NKAIN1: variants seen among roughly 807,000 people sequenced by gnomAD.
The protein encoded by NKAIN1 is sodium/potassium transporting ATPase interacting 1.
In NKAIN1, 13 loss-of-function variants were observed where a neutral mutation model predicts 31.6. The observed-to-expected ratio is 0.41, with a 90% confidence interval of 0.27 to 0.65. The LOEUF is 0.65. Among genes scored for constraint, NKAIN1 ranks in the 30% least tolerant of loss-of-function variants. The pLI is 0.30. For missense variants in NKAIN1, 193 were observed against 262.2 expected (o/e 0.74, Z 1.82); for synonymous variants, 104 against 109.0 (o/e 0.95, Z 0.28).
At chr1:31,196,309 C>T (rs937823216) in intron 1 of NKAIN1, among the ~76,000 whole-genome samples, 2 of 151,858 alleles carry the variant, frequency 1.3e-5, no homozygotes, top group African/African-American at 4.8e-5. Context: ...GTCAGGAGAT[C>T]GAGACCATCC....
rs2124159064 is a variant in NKAIN1 at position 31,181,279 on chromosome 1, A to G, written c.*424T>C. On this transcript the variant is annotated 3_prime_UTR_variant, in exon 7 of 7. Coordinates refer to ENST00000373736, the MANE Select transcript of NKAIN1 (RefSeq NM_024522.3). ...AGGAATCCTGCTCCTAGTTCACAGT[A>G]GCTTTCCCCAGAGCTGGTGAGTGAG... The G allele has an allele frequency of 5.6e-6, 1 of 178,912 alleles. No individual in the cohort carries two copies. The highest frequency in any genetic ancestry group is 1.2e-5 in the Non-Finnish European group (1 of 86,054). 11.1% of individuals were successfully genotyped at this position (178,912 alleles called of 1,614,324 possible).
At chr1:31,218,112 G>C (rs548084408) in intron 1 of NKAIN1, among the ~76,000 whole-genome samples, 2 of 143,114 alleles carry the variant, frequency 1.4e-5, no homozygotes, top group Non-Finnish European at 3.0e-5. Context: ...ACCCAAGCTG[G>C]AGTGCAGTGG....
At chr1:31,217,298 A>C (rs760545762) in intron 1 of NKAIN1, among the ~76,000 whole-genome samples, 29 of 152,072 alleles carry the variant, frequency 1.9e-4, no homozygotes, top group Non-Finnish European at 3.2e-4. Context: ...CCATGTAGCT[A>C]GGGCTACAAG....
rs117705422 is a variant in NKAIN1 at position 31,231,169 on chromosome 1, C to T, written c.54+8325G>A. 5.9e-5 allele frequency among the ~76,000 whole-genome samples: 9 copies of T among 152,064 alleles called. No homozygotes were observed. In the East Asian group the frequency reaches 1.5e-3, roughly 26 times the overall value. On this transcript the variant is annotated intron_variant, in intron 1 of 6. Coordinates refer to ENST00000373736, the MANE Select transcript of NKAIN1 (RefSeq NM_024522.3). ...AGAGTGCTGGGATTACAGGTGTAAG[C>T]CACTGCACCATCCAGTTATTTTTAA... is the stretch of plus-strand genomic sequence containing the variant.
Position 31,233,468 on chromosome 1 carries a change from T to C in NKAIN1, c.54+6026A>G, listed in dbSNP as rs879135448. Among the ~76,000 whole-genome samples the C allele has an allele frequency of 3.3e-5, 5 of 152,204 alleles. No homozygotes were observed. Among genetic ancestry groups the C allele is most frequent in the Admixed American group, 6.5e-5 (1 of 15,284 alleles). On this transcript the variant is annotated intron_variant, in intron 1 of 6. Coordinates refer to ENST00000373736, the MANE Select transcript of NKAIN1 (RefSeq NM_024522.3). The surrounding 1 kb of genome is among the most constrained non-coding windows in gnomAD (Gnocchi z 4.0). ...AAGCTGTGGAGTCCCAGATCTGAGTTTGAATACTCATTCTGCACCTATCAT... is the reference window on the plus strand; with the variant it reads ...AAGCTGTGGAGTCCCAGATCTGAGTCTGAATACTCATTCTGCACCTATCAT...
At chr1:31,209,760 T>C (rs1290287404) in intron 1 of NKAIN1, among the ~76,000 whole-genome samples, 3 of 151,980 alleles carry the variant, frequency 2.0e-5, no homozygotes, top group Non-Finnish European at 4.4e-5. Context: ...AAGGTTGCAG[T>C]GAGCTGTGAT....
At chr1:31,211,580 C>T (rs185067911) in intron 1 of NKAIN1, among the ~76,000 whole-genome samples, 1 of 148,310 alleles carries the variant, frequency 6.7e-6, no homozygotes, top group East Asian at 2.0e-4. Context: ...AGATTCAATG[C>T]ACTCTATCAA....
intron 1 of NKAIN1, among the ~76,000 whole-genome samples, chr1:31,231,537 GTTGTTGTTT>G (rs1248479977): frequency 1.3e-5 from 2 of 151,728 alleles, no homozygotes; most frequent in African/African-American, 4.8e-5. Flanking sequence ...TGTTGTTGTT[GTTGTTGTTT>G]TTGAGACGGA....
intron 1 of NKAIN1, among the ~76,000 whole-genome samples, chr1:31,194,541 G>C (rs1290425201): frequency 1.3e-5 from 2 of 150,158 alleles, no homozygotes; most frequent in East Asian, 3.9e-4. Flanking sequence ...CGAGTAGCTG[G>C]GATTACAGGT....
chr1:31,226,356 C>T (rs981275246), intron 1 of NKAIN1, among the ~76,000 whole-genome samples: 8 of 151,566 alleles, frequency 5.3e-5, no homozygotes, highest in Non-Finnish European at 1.0e-4. Flanking sequence ...CTTCTAGTGA[C>T]CAAGGTGGGG....
chr1:31,216,155 G>T (rs1389651648), intron 1 of NKAIN1, among the ~76,000 whole-genome samples: 2 of 151,644 alleles, frequency 1.3e-5, no homozygotes, highest in Non-Finnish European at 2.9e-5. Context: ...AGAGGAGCAC[G>T]GGGGAACGGA....
chr1:31,198,650 T>C (rs1322615712), intron 1 of NKAIN1, among the ~76,000 whole-genome samples: 1 of 152,014 alleles, frequency 6.6e-6, no homozygotes, highest in Non-Finnish European at 1.5e-5. Context: ...CAAACCTAAC[T>C]GGCCCTTCTG....
chr1:31,231,632 G>A (rs931051831), intron 1 of NKAIN1, among the ~76,000 whole-genome samples: 1 of 152,162 alleles, frequency 6.6e-6, no homozygotes, highest in Non-Finnish European at 1.5e-5. Context: ...CTGGGTTCAT[G>A]CCACTGTCCT....
At chr1:31,199,328 A>C (rs1645358730) in intron 1 of NKAIN1, among the ~76,000 whole-genome samples, 1 of 152,234 alleles carries the variant, frequency 6.6e-6, no homozygotes, top group East Asian at 1.9e-4. Flanking sequence ...GGATTCAGAC[A>C]GTGCCCATAA....
At chr1:31,222,375 G>A (rs1645571172) in intron 1 of NKAIN1, among the ~76,000 whole-genome samples, 1 of 152,226 alleles carries the variant, frequency 6.6e-6, no homozygotes, top group South Asian at 2.1e-4. Flanking sequence ...ACCCCTGCTG[G>A]GCAAAGGGCC....
In NKAIN1 at chr1:31,199,119, C is replaced by T. The variant is rs144677362; in HGVS notation, c.55-10932G>A. On this transcript the variant is annotated intron_variant, in intron 1 of 6. Transcript: ENST00000373736. ...GTCTGGGGAAAGATGAGGGATGGAC[C>T]CTTGAAGTTTCTGGAGAAAGCTTTG... 7.9e-4 allele frequency among the ~76,000 whole-genome samples: 121 copies of T among 152,272 alleles called. 1 individual carries two copies. In the Middle Eastern group the frequency reaches 0.01, roughly 13 times the overall value.
intron 1 of NKAIN1, among the ~76,000 whole-genome samples, chr1:31,232,436 G>T (rs1277917413): frequency 0.029 from 1,503 of 51,170 alleles, 7 homozygotes; most frequent in Middle Eastern, 0.047. Context: ...GAGAGAGAGA[G>T]AGAGAGAGAG....
intron 1 of NKAIN1, among the ~76,000 whole-genome samples, chr1:31,191,083 G>A (rs1645280778): frequency 1.3e-5 from 2 of 152,188 alleles, no homozygotes; most frequent in African/African-American, 4.8e-5. Context: ...TTGAGGTCAG[G>A]AGCTCAAGAC....
At chr1:31,222,103 T>C (rs2148364165) in intron 1 of NKAIN1, among the ~76,000 whole-genome samples, 1 of 152,304 alleles carries the variant, frequency 6.6e-6, no homozygotes, top group Non-Finnish European at 1.5e-5. Flanking sequence ...AGTGTTGAAC[T>C]CCTGACCTCA....
Sources: allele counts gnomAD v4.1 joint callset (sites outside exome capture counted in the v4.1 genomes callset), GRCh38; gene constraint gnomAD v4.1.1; non-coding constraint Gnocchi (gnomAD v3.1); transcripts MANE v1.5; gene names NCBI Gene and HGNC (gene_info 2026-07-23, HGNC 2026-07-21).